Variants in TFCP2L1 observed in about 807,000 individuals in gnomAD.
The protein encoded by TFCP2L1 is transcription factor CP2 like 1.
Under a neutral mutation model 72.2 loss-of-function variants are expected in TFCP2L1, and 12 were observed. That is an observed-to-expected ratio of 0.17 (90% CI 0.11 to 0.27). The LOEUF is 0.27. TFCP2L1 is among the 10% of genes least tolerant of loss of function. TFCP2L1 has a pLI of 1.00. For synonymous variants in TFCP2L1, 260 were observed against 251.0 expected (o/e 1.04, Z -0.34); for missense variants, 488 against 624.6 (o/e 0.78, Z 2.33).
intron 2 of TFCP2L1, among the ~76,000 whole-genome samples, chr2:121,271,293 T>C (rs1388166744): frequency 1.3e-5 from 2 of 151,910 alleles, no homozygotes; most frequent in Non-Finnish European, 2.9e-5. Flanking sequence ...GTGGCGAACA[T>C]ATATAAGGTT....
intron 2 of TFCP2L1, among the ~76,000 whole-genome samples, chr2:121,251,405 T>C (rs1486728650): frequency 6.6e-6 from 1 of 152,256 alleles, no homozygotes; most frequent in African/African-American, 2.4e-5. Flanking sequence ...TCTCTTTTTC[T>C]GTAGGCTTGT....
At position 121,285,196 on chromosome 2, in the gene TFCP2L1, C is replaced by A. The variant is rs1024721158; in HGVS notation, c.-87G>T. 102 of 1,208,050 alleles carry A rather than the reference C, an allele frequency of 8.4e-5. No individual in the cohort carries two copies. The highest frequency in any genetic ancestry group is 1.0e-4 in the Non-Finnish European group (97 of 944,402). 74.8% of individuals were successfully genotyped at this position (1,208,050 alleles called of 1,614,324 possible). On this transcript the variant is annotated 5_prime_UTR_variant, in exon 1 of 15. Coordinates refer to ENST00000263707, the MANE Select transcript of TFCP2L1 (RefSeq NM_014553.3). ...AGGACCCAGCGGCGGCTTCGCGCTC[C>A]GAACCCGCGGTGCCGGCCGGCTCGG...
chr2:121,277,580 C>A (rs1687172246), intron 2 of TFCP2L1, among the ~76,000 whole-genome samples: 1 of 152,118 alleles, frequency 6.6e-6, no homozygotes, highest in Non-Finnish European at 1.5e-5. Flanking sequence ...CAACATTTCA[C>A]AGGAAGATTT....
intron 2 of TFCP2L1, among the ~76,000 whole-genome samples, chr2:121,268,912 T>C (rs1686987264): frequency 6.6e-6 from 1 of 151,604 alleles, no homozygotes; most frequent in Non-Finnish European, 1.5e-5. Context: ...TTCAGTCAGT[T>C]ATTGTGGGAC....
At chr2:121,238,450 C>T (rs541406335) in intron 8 of TFCP2L1, among the ~76,000 whole-genome samples, 6 of 152,312 alleles carry the variant, frequency 3.9e-5, no homozygotes, top group South Asian at 4.1e-4. Context: ...CAGACCTGAG[C>T]GCTCTCCAGG....
chr2:121,251,149 A>G (rs1373113275), intron 2 of TFCP2L1, among the ~76,000 whole-genome samples: 1 of 151,778 alleles, frequency 6.6e-6, no homozygotes, highest in Non-Finnish European at 1.5e-5. Flanking sequence ...CCAGCTACTC[A>G]GGAGACTGAG....
intron 12 of TFCP2L1, among the ~76,000 whole-genome samples, chr2:121,232,845 G>A (rs1686172838): frequency 6.6e-6 from 1 of 151,964 alleles, no homozygotes; most frequent in Non-Finnish European, 1.5e-5. Flanking sequence ...ACACAGAGAC[G>A]GCCTGCACCA....
intron 12 of TFCP2L1, 144 bp downstream of exon 12, chr2:121,233,947 G>A (rs562945513): frequency 1.5e-4 from 107 of 725,080 alleles, no homozygotes; most frequent in Non-Finnish European, 2.3e-4. Flanking sequence ...GCATGCACTA[G>A]GCTGCCCTTT....
At chr2:121,282,440 G>A (rs1208087377) in intron 1 of TFCP2L1, among the ~76,000 whole-genome samples, 1 of 151,372 alleles carries the variant, frequency 6.6e-6, no homozygotes, top group African/African-American at 2.4e-5. Context: ...CAGTACTTTG[G>A]GAGGCTGAGG....
rs1558723611 is a variant in TFCP2L1 at position 121,223,979 on chromosome 2, C to A, written c.*362G>T. On this transcript the variant is annotated 3_prime_UTR_variant, in exon 15 of 15. Transcript: ENST00000263707. ...GAGGCAGGAGAGTGGTCAGAAGGGA[C>A]CAATACAGGCAGCACCAAGATACCC... 3.5e-6 allele frequency: 1 copy of A among 283,198 alleles called. No individual in the cohort carries two copies. Among genetic ancestry groups the A allele is most frequent in the Non-Finnish European group, 6.7e-6 (1 of 148,792 alleles). 17.5% of individuals were successfully genotyped at this position (283,198 alleles called of 1,614,324 possible).
rs1032403772 is a variant in TFCP2L1, at chr2:121,218,922, G to A, written c.*5419C>T. ...GGTGCCCCTGGGCAGGTCCCAAGGA[G>A]GCCTGGGGTGCCTGACCAGCGCCTC... is the stretch of plus-strand genomic sequence containing the variant. On this transcript the variant is annotated 3_prime_UTR_variant, in exon 15 of 15. Transcript: ENST00000263707. 1.3e-5 allele frequency: 2 copies of A among 152,216 alleles called. No homozygotes were observed. The highest frequency in any genetic ancestry group is 2.4e-5 in the African/African-American group (1 of 41,446). 9.4% of individuals were successfully genotyped at this position (152,216 alleles called of 1,614,324 possible).
chr2:121,282,222 C>T (rs972793757), intron 1 of TFCP2L1, among the ~76,000 whole-genome samples: 3 of 151,174 alleles, frequency 2.0e-5, no homozygotes, highest in Non-Finnish European at 2.9e-5. Context: ...TGTGAGCCAC[C>T]GCGCCCAGCC....
intron 2 of TFCP2L1, among the ~76,000 whole-genome samples, chr2:121,265,879 T>C (rs958374352): frequency 6.6e-6 from 1 of 151,454 alleles, no homozygotes; most frequent in African/African-American, 2.4e-5. Context: ...TTTTTTTTTT[T>C]TTTTGAGACA....
At chr2:121,243,650 T>C (rs146559831) in intron 6 of TFCP2L1, among the ~76,000 whole-genome samples, 1 of 152,034 alleles carries the variant, frequency 6.6e-6, no homozygotes, top group Non-Finnish European at 1.5e-5. Flanking sequence ...AAACCTTTTG[T>C]GAATTGCACA....
intron 2 of TFCP2L1, among the ~76,000 whole-genome samples, chr2:121,271,060 G>A (rs1443953312): frequency 6.6e-6 from 1 of 151,638 alleles, no homozygotes; most frequent in Non-Finnish European, 1.5e-5. Flanking sequence ...CATGATGGCA[G>A]GTGCCTGTAA....
At position 121,285,199 on chromosome 2, in the gene TFCP2L1, A is replaced by G; in HGVS notation, c.-90T>C. 1 of 1,161,348 alleles carries G rather than the reference A, an allele frequency of 8.6e-7. No homozygotes were observed. The highest frequency in any genetic ancestry group is 1.1e-6 in the Non-Finnish European group (1 of 905,044). 71.9% of individuals were successfully genotyped at this position (1,161,348 alleles called of 1,614,324 possible). A position where few individuals can be genotyped will look rare whatever the true frequency, so the allele number is the denominator to read the frequency against. On this transcript the variant is annotated 5_prime_UTR_variant, in exon 1 of 15. Transcript: ENST00000263707. ...ACCCAGCGGCGGCTTCGCGCTCCGA[A>G]CCCGCGGTGCCGGCCGGCTCGGCGC...
intron 12 of TFCP2L1, among the ~76,000 whole-genome samples, chr2:121,232,764 A>T (rs761478279): frequency 1.3e-5 from 2 of 152,078 alleles, no homozygotes; most frequent in South Asian, 4.2e-4. Flanking sequence ...CAACACAGTA[A>T]CCCTAAGGAG....
chr2:121,243,489 G>A (rs965610696), intron 6 of TFCP2L1, among the ~76,000 whole-genome samples: 2 of 152,228 alleles, frequency 1.3e-5, no homozygotes, highest in Non-Finnish European at 2.9e-5. Flanking sequence ...CAGAAGGTGA[G>A]CAGCAGGTGA....
At chr2:121,250,993 GT>G (rs1372151187) in intron 2 of TFCP2L1, among the ~76,000 whole-genome samples, 4 of 151,622 alleles carry the variant, frequency 2.6e-5, no homozygotes, top group Non-Finnish European at 5.9e-5. Flanking sequence ...GCCAGGCACG[GT>G]GGCTCACACC....
Sources: allele counts gnomAD v4.1 joint callset (sites outside exome capture counted in the v4.1 genomes callset), GRCh38; gene constraint gnomAD v4.1.1; transcripts MANE v1.5; gene names NCBI Gene and HGNC (gene_info 2026-07-23, HGNC 2026-07-21).